The following SRGAP3 variants were observed in gnomAD, a reference collection of about 807,000 sequenced individuals.
SRGAP3 encodes the protein SLIT-ROBO Rho GTPase-activating protein 3.
In SRGAP3, 39 loss-of-function variants were observed where a neutral mutation model predicts 121.1. That is an observed-to-expected ratio of 0.32 (90% CI 0.25 to 0.42). SRGAP3 has a LOEUF of 0.42. Ranked by LOEUF, SRGAP3 falls within the 10% of genes least tolerant of loss-of-function variation. The pLI is 1.00. For synonymous variants in SRGAP3, 601 were observed against 570.0 expected (o/e 1.05, Z -0.77); for missense variants, 1,213 against 1,470.6 (o/e 0.82, Z 2.86).
intron 11 of SRGAP3, chr3:9,036,724 G>A (rs914795670): frequency 6.6e-6 from 1 of 152,172 alleles, no homozygotes; most frequent in African/African-American, 2.4e-5. Context: ...GAGGAAGTGA[G>A]GGACAGCTCA....
chr3:9,279,015 T>C (rs1954631597), intron 3 of SRGAP3, among the ~76,000 whole-genome samples: 2 of 152,090 alleles, frequency 1.3e-5, no homozygotes, highest in African/African-American at 4.8e-5. Context: ...GGTGCACATC[T>C]GTAATCCTAA....
At chr3:9,058,034 G>A (rs939516479) in intron 7 of SRGAP3, among the ~76,000 whole-genome samples, 1 of 152,206 alleles carries the variant, frequency 6.6e-6, no homozygotes, top group Admixed American at 6.5e-5. Flanking sequence ...GGTTATAAGG[G>A]AAGCCAAGGT....
intron 10 of SRGAP3, among the ~76,000 whole-genome samples, chr3:9,040,046 G>A (rs745312038): frequency 1.3e-5 from 2 of 152,148 alleles, no homozygotes; most frequent in African/African-American, 4.8e-5. Context: ...CTTGAAAACT[G>A]TCTTTCCTTC....
intron 1 of SRGAP3, among the ~76,000 whole-genome samples, chr3:9,346,511 C>G (rs1490594597): frequency 6.6e-6 from 1 of 152,120 alleles, no homozygotes; most frequent in Non-Finnish European, 1.5e-5. Flanking sequence ...CCAAATTACT[C>G]CCCACCAGAA....
intron 1 of SRGAP3, among the ~76,000 whole-genome samples, chr3:9,209,939 C>G (rs1170131301): frequency 6.6e-6 from 1 of 152,034 alleles, no homozygotes; most frequent in Non-Finnish European, 1.5e-5. Context: ...GTGCTATATC[C>G]TAAAATGGAA....
chr3:9,201,782 T>A, intron 1 of SRGAP3, among the ~76,000 whole-genome samples: 1 of 152,178 alleles, frequency 6.6e-6, no homozygotes, highest in East Asian at 1.9e-4. Flanking sequence ...ACTGGAGGGA[T>A]GTAATTCTTA....
At chr3:9,022,706 A>G (rs974754776) in intron 14 of SRGAP3, among the ~76,000 whole-genome samples, 1 of 152,250 alleles carries the variant, frequency 6.6e-6, no homozygotes, top group Non-Finnish European at 1.5e-5. Flanking sequence ...GAGACATACT[A>G]GAACGATTCT....
At chr3:9,037,797 C>T (rs884235) in intron 11 of SRGAP3, 55,187 of 569,096 alleles carry the variant, frequency 0.097, 3,841 homozygotes, top group African/African-American at 0.27. Flanking sequence ...CGATGGCCAG[C>T]GCAAAGGGAG....
At chr3:9,202,797 C>A (rs1356590109) in intron 1 of SRGAP3, among the ~76,000 whole-genome samples, 1 of 152,262 alleles carries the variant, frequency 6.6e-6, no homozygotes, top group Non-Finnish European at 1.5e-5. Flanking sequence ...GCCAGGAGGG[C>A]AAGACCATTT....
intron 14 of SRGAP3, among the ~76,000 whole-genome samples, chr3:9,021,400 G>A (rs767025812): frequency 6.6e-6 from 1 of 152,070 alleles, no homozygotes; most frequent in Non-Finnish European, 1.5e-5. Context: ...GCTAATTCTT[G>A]CCTTTTCATG....
chr3:9,186,711 G>A (rs1951604953), intron 1 of SRGAP3, among the ~76,000 whole-genome samples: 2 of 152,190 alleles, frequency 1.3e-5, no homozygotes, highest in South Asian at 2.1e-4. Flanking sequence ...ACTGACCCCA[G>A]GAATAATCAT....
chr3:9,085,321 G>C (rs1468230491), intron 3 of SRGAP3, among the ~76,000 whole-genome samples: 1 of 152,210 alleles, frequency 6.6e-6, no homozygotes, highest in African/African-American at 2.4e-5. Flanking sequence ...GCTCTGAGGA[G>C]TCATTCCATC....
chr3:9,187,682 C>A (rs1951640281), intron 1 of SRGAP3, among the ~76,000 whole-genome samples: 4 of 152,194 alleles, frequency 2.6e-5, no homozygotes. Context: ...GCTGACAGGG[C>A]ATGCTCTGCC....
At chr3:9,289,030 G>A (rs556665716) in intron 3 of SRGAP3, among the ~76,000 whole-genome samples, 4 of 152,236 alleles carry the variant, frequency 2.6e-5, no homozygotes, top group East Asian at 1.9e-4. Context: ...CCAAGTAGCC[G>A]GGACTACAGG....
chr3:9,155,785 T>G (rs1950396033), intron 1 of SRGAP3, among the ~76,000 whole-genome samples: 1 of 152,182 alleles, frequency 6.6e-6, no homozygotes, highest in Admixed American at 6.5e-5. Flanking sequence ...TGCTTTTTAT[T>G]TTATTATTAC....
intron 3 of SRGAP3, among the ~76,000 whole-genome samples, chr3:9,269,251 A>G (rs1046200721): frequency 3.3e-5 from 5 of 152,198 alleles, no homozygotes; most frequent in East Asian, 3.8e-4. Context: ...AGAAGAGTCA[A>G]TAGGCACTTC....
rs1436767814 is a variant in SRGAP3, at chr3:8,985,140, A to T, written c.*379T>A. On this transcript the variant is annotated 3_prime_UTR_variant, in exon 22 of 22. Coordinates refer to ENST00000383836, the MANE Select transcript of SRGAP3 (RefSeq NM_014850.4). This position sits in a 1 kb window ranked among gnomAD's most constrained non-coding sequence, Gnocchi z 5.1. The stretch of plus-strand genomic sequence containing the variant: ...CCTACAGACACGTACATACGTATAC[A>T]TGTGTATATATGCACACATCGATAT... 1 of 327,850 alleles carries T rather than the reference A, an allele frequency of 3.1e-6. No homozygotes were observed. The highest frequency in any genetic ancestry group is 5.6e-6 in the Non-Finnish European group (1 of 178,150). 20.3% of individuals were successfully genotyped at this position (327,850 alleles called of 1,614,324 possible).
chr3:9,329,381 T>C (rs926587968), intron 2 of SRGAP3, among the ~76,000 whole-genome samples: 2 of 150,634 alleles, frequency 1.3e-5, no homozygotes, highest in South Asian at 4.2e-4. Context: ...GGGGCCAAGC[T>C]GCATCATAAA....
At chr3:9,361,973 C>T (rs748245157) in intron 1 of SRGAP3, among the ~76,000 whole-genome samples, 12 of 152,114 alleles carry the variant, frequency 7.9e-5, no homozygotes, top group South Asian at 2.1e-4. Context: ...CTCAACTGCA[C>T]ATGCACAAAT....
Sources: gnomAD v4.1 joint callset for allele counts (sites outside exome capture counted in the v4.1 genomes callset) on GRCh38, gnomAD v4.1.1 for gene constraint, Gnocchi (gnomAD v3.1) non-coding constraint, MANE v1.5 for transcripts, NCBI Gene and HGNC (gene_info 2026-07-23, HGNC 2026-07-21) for gene names.